FRY: variants seen among roughly 807,000 people sequenced by gnomAD.
The protein encoded by FRY is protein furry homolog.
In FRY, 128 loss-of-function variants were observed where a neutral mutation model predicts 348.4. The ratio of observed to expected loss-of-function variants is 0.37; its 90% CI spans 0.32 to 0.43. The LOEUF (loss-of-function observed/expected upper bound fraction) is 0.43, where lower values mean the gene tolerates loss of function less well. Ranked by LOEUF, FRY falls within the 20% of genes least tolerant of loss-of-function variation. The probability of loss-of-function intolerance (pLI) is 1.00; values close to 1 mark genes in which losing one functional copy is unlikely to be tolerated. For missense variants in FRY, 2,736 were observed against 3,695.2 expected (o/e 0.74, Z 6.73); for synonymous variants, 1,370 against 1,374.7 (o/e 1.00, Z 0.08).
intron 41 of FRY, among the ~76,000 whole-genome samples, chr13:32,231,758 C>G (rs1885927428): frequency 6.6e-6 from 1 of 152,194 alleles, no homozygotes; most frequent in Non-Finnish European, 1.5e-5. Context: ...ATTCAATATT[C>G]TAAATACAGT....
chr13:32,154,098 C>T (rs1880961270), intron 14 of FRY, among the ~76,000 whole-genome samples: 1 of 152,098 alleles, frequency 6.6e-6, no homozygotes, highest in South Asian at 2.1e-4. Context: ...CATATGTCAT[C>T]CCACAGTTAT....
intron 4 of FRY, among the ~76,000 whole-genome samples, chr13:32,120,452 T>C (rs1234736177): frequency 6.6e-6 from 1 of 152,112 alleles, no homozygotes; most frequent in Non-Finnish European, 1.5e-5. Context: ...TGATTCTGCT[T>C]CTAACTTTTT....
chr13:32,201,412 A>G (rs753245655), intron 29 of FRY, among the ~76,000 whole-genome samples: 5 of 152,200 alleles, frequency 3.3e-5, no homozygotes, highest in African/African-American at 4.8e-5. Context: ...TAGACTGTAC[A>G]GGTTGTCTCC....
Position 32,126,305 on chromosome 13 carries a change from A to T in FRY, c.716+1430A>T, listed in dbSNP as rs572380466. ...CTTTGTGTTTTCCTTAGTTTTTGTGAATTATGCATAACAATAATATTGGTT... is the reference window on the plus strand; with the variant it reads ...CTTTGTGTTTTCCTTAGTTTTTGTGTATTATGCATAACAATAATATTGGTT... On this transcript the variant is annotated intron_variant, in intron 7 of 60. Coordinates refer to ENST00000542859, the MANE Select transcript of FRY (RefSeq NM_023037.3). Among the ~76,000 whole-genome samples the T allele has an allele frequency of 1.3e-4, 20 of 152,344 alleles. No homozygotes were observed. The South Asian group carries it at 3.9e-3, about 30-fold the overall frequency.
intron 51 of FRY, 43 bp downstream of exon 51, chr13:32,254,437 C>A: frequency 6.6e-7 from 1 of 1,521,284 alleles, no homozygotes; most frequent in Non-Finnish European, 9.1e-7. Flanking sequence ...CACCCTTTTC[C>A]TTGACTAATG....
intron 41 of FRY, among the ~76,000 whole-genome samples, chr13:32,233,300 A>G (rs1205247214): frequency 6.6e-6 from 1 of 152,246 alleles, no homozygotes; most frequent in Non-Finnish European, 1.5e-5. Context: ...AATGTGCTGC[A>G]GAGCCTCTGT....
chr13:32,071,195 A>G (rs373981), intron 1 of FRY, among the ~76,000 whole-genome samples: 74,537 of 151,570 alleles, frequency 0.49, 20,041 homozygotes, highest in Non-Finnish European at 0.59. Context: ...GGCTATGCAG[A>G]CTCTTTTTTG....
chr13:32,088,284 T>G lies in FRY; in HGVS notation c.270+9251T>G, dbSNP rs193093976. 1.4e-4 allele frequency among the ~76,000 whole-genome samples: 22 copies of G among 152,362 alleles called. No individual in the cohort carries two copies. In the East Asian group the frequency reaches 4.2e-3, roughly 29 times the overall value. ...TGTAGTGATAGAATCAAAGCAATGC[T>G]GTCCTGAAAAGAGACTAAAACATTG... On this transcript the variant is annotated intron_variant, in intron 2 of 60. Coordinates refer to ENST00000542859, the MANE Select transcript of FRY (RefSeq NM_023037.3).
Position 32,264,675 on chromosome 13 carries a change from T to C in FRY, c.7780-775T>C, listed in dbSNP as rs553581774. ...GCTGTGTCTCTTTCCTGCCTCTCAC[T>C]GATCCTGGTTCTGCCTGCCCTAGAG... On this transcript the variant is annotated intron_variant, in intron 53 of 60. Coordinates refer to ENST00000542859, the MANE Select transcript of FRY (RefSeq NM_023037.3). Among the ~76,000 whole-genome samples, 7 of 152,364 alleles carry C rather than the reference T, an allele frequency of 4.6e-5. No homozygotes were observed. In the South Asian group the frequency reaches 1.4e-3, roughly 32 times the overall value.
chr13:32,290,039 T>C (rs561496514), intron 59 of FRY, among the ~76,000 whole-genome samples: 1 of 152,180 alleles, frequency 6.6e-6, no homozygotes, highest in African/African-American at 2.4e-5. Flanking sequence ...ATCCTGGCCC[T>C]GGGTCTGGGC....
chr13:32,287,840 G>A (rs748316950), intron 58 of FRY: 1 of 1,336,198 alleles, frequency 7.5e-7, no homozygotes, highest in Non-Finnish European at 1.0e-6. Flanking sequence ...CCTTTCCTTT[G>A]TTTCCTGTGC....
In FRY at chr13:32,079,373, C is replaced by CAT. The variant is rs139045444; in HGVS notation, c.270+351_270+352dup. On this transcript the variant is annotated intron_variant, in intron 2 of 60. Transcript: ENST00000542859. ...GAGTCTCTGTGATATATATATATCT[C>CAT]ATATATATATATGGCAAAATCTTTT... Among the ~76,000 whole-genome samples, 275 of 151,648 alleles carry CAT rather than the reference C, an allele frequency of 1.8e-3. 3 individuals are homozygous for CAT. The highest frequency in any genetic ancestry group is 6.2e-3 in the African/African-American group (257 of 41,338).
At chr13:32,187,020 T>TC (rs1274452830) in intron 27 of FRY, among the ~76,000 whole-genome samples, 1 of 152,218 alleles carries the variant, frequency 6.6e-6, no homozygotes, top group Non-Finnish European at 1.5e-5. Flanking sequence ...CCTTGATTTA[T>TC]CCCTCCACCC....
At chr13:32,130,001 G>A (rs1194849276) in intron 7 of FRY, among the ~76,000 whole-genome samples, 2 of 150,896 alleles carry the variant, frequency 1.3e-5, no homozygotes, top group African/African-American at 2.4e-5. Flanking sequence ...CCAAACTTCC[G>A]GGACTCTATT....
rs1399527508 is a variant in FRY, at chr13:32,127,469, T to C, written c.716+2594T>C. ...GCTTTTGTGCTAAGTAACATGTTTA[T>C]ATCATTTGGGACTTTTAAAAATAAA... On this transcript the variant is annotated intron_variant, in intron 7 of 60. Transcript: ENST00000542859. Among the ~76,000 whole-genome samples, 20 of 152,162 alleles carry C rather than the reference T, an allele frequency of 1.3e-4. 1 individual carries two copies. Among genetic ancestry groups the C allele is most frequent in the Admixed American group, 1.3e-3 (20 of 15,278 alleles).
In FRY at chr13:32,295,330, G is replaced by A. The variant is rs748676401; in HGVS notation, c.8912G>A (p.Ser2971Asn). 1.5e-5 allele frequency: 24 copies of A among 1,580,080 alleles called. No individual in the cohort carries two copies. Among genetic ancestry groups the A allele is most frequent in the Middle Eastern group, 3.3e-4 (2 of 5,982 alleles). Residue 2971 changes from serine (S) to asparagine (N), a missense_variant, in exon 61 of 61, where the codon AGC (serine) becomes AAC (asparagine). Physicochemically the swap from Ser to Asn is conservative, Grantham distance 46 (BLOSUM62 1). Transcript: ENST00000542859. ...GTYALVGSNQ[S>N]LTEICTKLME... ...TATGCCCTGGTGGGGTCTAACCAGA[G>A]CCTGACCGAGATCTGCACCAAGCTG...
intron 1 of FRY, among the ~76,000 whole-genome samples, chr13:32,040,775 GATATGGTGTTT>G (rs1020288880): frequency 2.0e-4 from 30 of 152,226 alleles, no homozygotes; most frequent in African/African-American, 7.2e-4. Flanking sequence ...TATAAAGTGA[GATATGGTGTTT>G]ATGGAAATTG....
chr13:32,106,296 T>G (rs1877545180), intron 3 of FRY, among the ~76,000 whole-genome samples: 1 of 151,594 alleles, frequency 6.6e-6, no homozygotes, highest in Admixed American at 6.6e-5. Flanking sequence ...GACTAAAACC[T>G]GAAGGAGCCA....
chr13:32,194,340 G>C, intron 29 of FRY, 43 bp downstream of exon 29: 1 of 1,578,932 alleles, frequency 6.3e-7, no homozygotes, highest in Non-Finnish European at 8.7e-7. Flanking sequence ...AGTATGTTTA[G>C]GGTTACTTTT....
Sources: allele counts gnomAD v4.1 joint callset (sites outside exome capture counted in the v4.1 genomes callset), GRCh38; gene constraint gnomAD v4.1.1; transcripts MANE v1.5; gene names NCBI Gene and HGNC (gene_info 2026-07-23, HGNC 2026-07-21).